Variants in ADAM10 observed in about 807,000 individuals in gnomAD.
ADAM10 encodes disintegrin and metalloproteinase domain-containing protein 10.
Under a neutral mutation model 90.1 loss-of-function variants are expected in ADAM10, and 17 were observed. The ratio of observed to expected loss-of-function variants is 0.19; its 90% confidence interval spans 0.13 to 0.28. The LOEUF (loss-of-function observed/expected upper bound fraction) is 0.28, where lower values mean the gene tolerates loss of function less well. Ranked by LOEUF, ADAM10 falls within the 10% of genes least tolerant of loss-of-function variation. The pLI, the probability that ADAM10 is intolerant of heterozygous loss-of-function variation, is 1.00. For synonymous variants in ADAM10, 310 were observed against 298.6 expected, an observed-to-expected ratio of 1.04 and a Z score of -0.40; for missense variants, 610 against 914.3, an observed-to-expected ratio of 0.67 and a Z score of 4.29.
intron 8 of ADAM10, 43 bp downstream of exon 8, chr15:58,640,734 G>A (rs1195470058): frequency 1.9e-6 from 3 of 1,578,950 alleles, no homozygotes; most frequent in African/African-American, 2.7e-5. Context: ...ACTCCCCTTT[G>A]TTTCAAGTAG....
intron 2 of ADAM10, among the ~76,000 whole-genome samples, chr15:58,685,580 A>ATATATATG (rs1306197062): frequency 7.4e-6 from 1 of 134,488 alleles, no homozygotes; most frequent in African/African-American, 3.0e-5. Context: ...ATATATATAT[A>ATATATATG]TATGTATATA....
At chr15:58,636,641 A>G (rs1896262366) in intron 8 of ADAM10, among the ~76,000 whole-genome samples, 1 of 152,206 alleles carries the variant, frequency 6.6e-6, no homozygotes, top group South Asian at 2.1e-4. Flanking sequence ...AAGAAGTATA[A>G]TGACAATTTT....
chr15:58,641,248 GAAA>G (rs1566977178), intron 7 of ADAM10, among the ~76,000 whole-genome samples: 3 of 152,082 alleles, frequency 2.0e-5, no homozygotes, highest in Admixed American at 2.0e-4. Context: ...CACTTGGGAA[GAAA>G]AAACAAGTTT....
rs556106131 is a variant in ADAM10 at position 58,671,321 on chromosome 15, A to C, written c.485-6124T>G. Among the ~76,000 whole-genome samples the C allele has an allele frequency of 4.6e-5, 7 of 152,340 alleles. No individual in the cohort carries two copies. In the East Asian group the frequency reaches 1.3e-3, roughly 29 times the overall value. On this transcript the variant is annotated intron_variant, in intron 4 of 15. Transcript: ENST00000260408. ...GATTATCTAATCCCCCAATTTATAA[A>C]TCATGAACAGAATATAACATGTCTT... is the stretch of plus-strand genomic sequence containing the variant.
chr15:58,634,227 A>G (rs1258510478), intron 8 of ADAM10, among the ~76,000 whole-genome samples: 4 of 151,928 alleles, frequency 2.6e-5, no homozygotes, highest in Non-Finnish European at 5.9e-5. Context: ...GCCTGAACCC[A>G]GGAGGTGGAA....
At chr15:58,704,959 T>C (rs1297281200) in intron 2 of ADAM10, among the ~76,000 whole-genome samples, 1 of 152,158 alleles carries the variant, frequency 6.6e-6, no homozygotes, top group Non-Finnish European at 1.5e-5. Context: ...CGGAGTGTTG[T>C]AGTAGTCTTA....
chr15:58,665,061 C>T (rs758639706), intron 5 of ADAM10, 36 bp downstream of exon 5: 4 of 1,447,334 alleles, frequency 2.8e-6, no homozygotes, highest in African/African-American at 2.8e-5. Context: ...AATTCATTTC[C>T]ATTTCCTAAA....
Position 58,597,652 on chromosome 15 carries a change from C to A in ADAM10, c.2153-11G>T, listed in dbSNP as rs1595977814. On this transcript the variant is annotated splice_polypyrimidine_tract_variant and intron_variant, in intron 15 of 15. Coordinates refer to ENST00000260408, the MANE Select transcript of ADAM10 (RefSeq NM_001110.4). Reference sequence around the variant, plus strand: ...TCCTCTTTAAAGTGCCTGTGAGCCACAAATAAAAGCAAAGCAGATTTATTT... The same window carrying A: ...TCCTCTTTAAAGTGCCTGTGAGCCAAAAATAAAAGCAAAGCAGATTTATTT... 2 of 1,613,496 alleles carry A rather than the reference C, an allele frequency of 1.2e-6. No individual in the cohort carries two copies. The highest frequency in any genetic ancestry group is 1.7e-5 in the Admixed American group (1 of 59,978).
chr15:58,593,246 C>A lies in ADAM10; in HGVS notation c.*4301G>T, dbSNP rs538502712. 1 of 140,330 alleles carries A rather than the reference C, an allele frequency of 7.1e-6. No homozygotes were observed. The highest frequency in any genetic ancestry group is 1.5e-5 in the Non-Finnish European group (1 of 66,002). 8.7% of individuals were successfully genotyped at this position (140,330 alleles called of 1,614,324 possible). A position where few individuals can be genotyped will look rare whatever the true frequency, so the allele number is the denominator to read the frequency against. On this transcript the variant is annotated 3_prime_UTR_variant, in exon 16 of 16. Transcript: ENST00000260408. Reference sequence around the variant, plus strand: ...CCAGGCTGGAGTGCAATGGCGCAATCGCGGCTCACTGCAGCCTCTGCCTCC... The same window carrying A: ...CCAGGCTGGAGTGCAATGGCGCAATAGCGGCTCACTGCAGCCTCTGCCTCC...
At chr15:58,748,992 G>C (rs1899884907) in intron 1 of ADAM10, 3 of 399,206 alleles carry the variant, frequency 7.5e-6, no homozygotes, top group Non-Finnish European at 1.3e-5. Context: ...TGCGCGGCGG[G>C]TCTCGGCGGC....
At chr15:58,600,269 C>T (rs1473067415) in intron 14 of ADAM10, among the ~76,000 whole-genome samples, 3 of 152,046 alleles carry the variant, frequency 2.0e-5, no homozygotes, top group East Asian at 3.8e-4. Flanking sequence ...GTTTTGATTG[C>T]GTTTATACTT....
intron 1 of ADAM10, among the ~76,000 whole-genome samples, chr15:58,738,643 T>C (rs1899507073): frequency 1.3e-5 from 2 of 152,212 alleles, no homozygotes. Flanking sequence ...GAAGTCTAAG[T>C]AGCTCTTTTA....
intron 1 of ADAM10, among the ~76,000 whole-genome samples, chr15:58,721,952 C>T (rs1305553561): frequency 2.0e-5 from 3 of 151,946 alleles, no homozygotes; most frequent in Admixed American, 6.6e-5. Context: ...CGTTTGAACC[C>T]GGGAGGCGAA....
intron 2 of ADAM10, among the ~76,000 whole-genome samples, chr15:58,703,161 C>T (rs1044341285): frequency 6.6e-5 from 10 of 151,958 alleles, no homozygotes; most frequent in Admixed American, 5.9e-4. Context: ...AACAAGCCCT[C>T]AATAAAAAGC....
chr15:58,645,188 A>G (rs973131305), intron 6 of ADAM10, among the ~76,000 whole-genome samples: 1 of 152,258 alleles, frequency 6.6e-6, no homozygotes, highest in Non-Finnish European at 1.5e-5. Flanking sequence ...CCACGCTGCC[A>G]AACACTGCTA....
At chr15:58,744,271 A>T (rs746215356) in intron 1 of ADAM10, among the ~76,000 whole-genome samples, 12 of 152,190 alleles carry the variant, frequency 7.9e-5, no homozygotes, top group Non-Finnish European at 1.6e-4. Flanking sequence ...GCAGGGAGAA[A>T]GAAAAAACTA....
At chr15:58,655,722 T>TC (rs1566982433) in intron 5 of ADAM10, among the ~76,000 whole-genome samples, 22 of 98,362 alleles carry the variant, frequency 2.2e-4, no homozygotes, top group African/African-American at 9.0e-4. Context: ...TATATATATA[T>TC]ATATATATAT....
Position 58,605,240 on chromosome 15 carries a change from T to A in ADAM10, c.2025+5057A>T, listed in dbSNP as rs144437302. Among the ~76,000 whole-genome samples the A allele has an allele frequency of 1.2e-3, 189 of 152,318 alleles. 2 individuals carry two copies. The highest frequency in any genetic ancestry group is 2.2e-3 in the Non-Finnish European group (151 of 68,026). The stretch of plus-strand genomic sequence containing the variant: ...GAACTTCCAGTTCCTTCTAGCACAG[T>A]GTTCCTGGCTTTCTTCTAAATTTTT... On this transcript the variant is annotated intron_variant, in intron 14 of 15. Coordinates refer to ENST00000260408, the MANE Select transcript of ADAM10 (RefSeq NM_001110.4).
intron 1 of ADAM10, among the ~76,000 whole-genome samples, chr15:58,730,003 C>CAA (rs71844307): frequency 1.9e-5 from 2 of 106,468 alleles, no homozygotes; most frequent in East Asian, 3.2e-4. Context: ...AACAAACAAA[C>CAA]AAAAAAAAAA....
Sources: allele counts gnomAD v4.1 joint callset (sites outside exome capture counted in the v4.1 genomes callset), GRCh38; gene constraint gnomAD v4.1.1; transcripts MANE v1.5; gene names NCBI Gene and HGNC (gene_info 2026-07-23, HGNC 2026-07-21).